The following MAD1L1 variants were observed in gnomAD, a reference collection of about 807,000 sequenced individuals.
MAD1L1 encodes the protein mitotic spindle assembly checkpoint protein MAD1.
Under a neutral mutation model 96.9 loss-of-function variants are expected in MAD1L1, and 95 were observed. That is an observed-to-expected ratio of 0.98 (90% confidence interval 0.83 to 1.16). The LOEUF is 1.16. Among genes scored for constraint, MAD1L1 ranks in the 50% most tolerant of loss-of-function variants. The probability of loss-of-function intolerance (pLI) is 0.00; values close to 1 mark genes in which losing one functional copy is unlikely to be tolerated. For missense variants in MAD1L1, 1,007 were observed against 954.4 expected, an observed-to-expected ratio of 1.06 and a Z score of -0.73; for synonymous variants, 473 against 396.6, an observed-to-expected ratio of 1.19 and a Z score of -2.29.
At chr7:2,181,609 T>C (rs1356694913) in intron 10 of MAD1L1, among the ~76,000 whole-genome samples, 2 of 152,118 alleles carry the variant, frequency 1.3e-5, no homozygotes, top group Non-Finnish European at 2.9e-5. Flanking sequence ...ACTAGTACAA[T>C]CACTACAGAA....
At chr7:1,985,221 C>T (rs1781083476) in intron 14 of MAD1L1, among the ~76,000 whole-genome samples, 1 of 152,226 alleles carries the variant, frequency 6.6e-6, no homozygotes, top group Non-Finnish European at 1.5e-5. Flanking sequence ...CTCCTCCAAC[C>T]CCTTGAGGCC....
At chr7:1,873,249 G>A (rs1180566438) in intron 18 of MAD1L1, among the ~76,000 whole-genome samples, 1 of 152,214 alleles carries the variant, frequency 6.6e-6, no homozygotes, top group African/African-American at 2.4e-5. Context: ...CCCGGCTGGG[G>A]AGTCCCCTCT....
intron 10 of MAD1L1, among the ~76,000 whole-genome samples, chr7:2,154,873 G>A (rs964832568): frequency 1.3e-5 from 2 of 152,288 alleles, no homozygotes; most frequent in South Asian, 2.1e-4. Flanking sequence ...AACTCTACAG[G>A]AAGCATTCCG....
rs971825121 is a variant in MAD1L1 at position 1,936,597 on chromosome 7, A to G, written c.1807+90T>C. On this transcript the variant is annotated intron_variant, in intron 17 of 18. Transcript: ENST00000265854. ...GACAAACCCTCTGGGGATGACAGGCAGGGGCGCCTGAGGCTGCCCCAAAGG... is the reference window on the plus strand; with the variant it reads ...GACAAACCCTCTGGGGATGACAGGCGGGGGCGCCTGAGGCTGCCCCAAAGG... 107 of 1,304,372 alleles carry G rather than the reference A, an allele frequency of 8.2e-5. No homozygotes were observed. In the Middle Eastern group the frequency reaches 1.3e-3, roughly 16 times the overall value. 80.8% of individuals were successfully genotyped at this position (1,304,372 alleles called of 1,614,324 possible). A position where few individuals can be genotyped will look rare whatever the true frequency, so the allele number is the denominator to read the frequency against.
chr7:2,056,926 G>C (rs771655034), intron 12 of MAD1L1, among the ~76,000 whole-genome samples: 1 of 152,184 alleles, frequency 6.6e-6, no homozygotes, highest in Non-Finnish European at 1.5e-5. Flanking sequence ...CCAAGTACCC[G>C]TGCAGCTATC....
intron 12 of MAD1L1, among the ~76,000 whole-genome samples, chr7:2,018,842 G>GGCCGAGGCCCACTCTGCAAGGGC (rs1367900930): frequency 6.9e-6 from 1 of 144,658 alleles, no homozygotes; most frequent in East Asian, 2.3e-4. Flanking sequence ...TCCAGCCCAA[G>GGCCGAGGCCCACTCTGCAAGGGC]GCCGAGGCCC....
chr7:2,137,350 G>C (rs1186754144), intron 11 of MAD1L1, among the ~76,000 whole-genome samples: 1 of 152,218 alleles, frequency 6.6e-6, no homozygotes. Flanking sequence ...GGACAGAACT[G>C]ACCCAAGCAC....
chr7:2,140,401 T>G (rs1301385726), intron 11 of MAD1L1, among the ~76,000 whole-genome samples: 2 of 151,846 alleles, frequency 1.3e-5, no homozygotes, highest in Non-Finnish European at 2.9e-5. Context: ...AATCGGAGAG[T>G]GCACCAGGGC....
At chr7:2,108,927 A>G (rs1214852505) in intron 11 of MAD1L1, among the ~76,000 whole-genome samples, 1 of 152,220 alleles carries the variant, frequency 6.6e-6, no homozygotes, top group Non-Finnish European at 1.5e-5. Context: ...GGGGAAGTGC[A>G]GGGCCCCCGC....
chr7:1,944,778 C>T (rs1779154171), intron 16 of MAD1L1, among the ~76,000 whole-genome samples: 1 of 152,210 alleles, frequency 6.6e-6, no homozygotes, highest in South Asian at 2.1e-4. Context: ...AGTGCAGTGA[C>T]CACAGTCTGC....
intron 10 of MAD1L1, among the ~76,000 whole-genome samples, chr7:2,202,533 C>T (rs1026310022): frequency 4.6e-5 from 7 of 152,228 alleles, no homozygotes; most frequent in East Asian, 1.9e-4. Flanking sequence ...AAAGGGGAAA[C>T]GTGGCCCAGA....
intron 18 of MAD1L1, among the ~76,000 whole-genome samples, chr7:1,891,436 G>C (rs1270745354): frequency 6.6e-6 from 1 of 152,144 alleles, no homozygotes; most frequent in Non-Finnish European, 1.5e-5. Flanking sequence ...TGAGGGAGGA[G>C]AATCGCTTGA....
chr7:2,220,124 C>G (rs1049675928), intron 5 of MAD1L1, among the ~76,000 whole-genome samples: 1 of 152,354 alleles, frequency 6.6e-6, no homozygotes, highest in African/African-American at 2.4e-5. Context: ...CACACCACAG[C>G]AAGGCACTGG....
At chr7:2,092,152 G>A (rs1786248600) in intron 11 of MAD1L1, among the ~76,000 whole-genome samples, 1 of 152,202 alleles carries the variant, frequency 6.6e-6, no homozygotes, top group Non-Finnish European at 1.5e-5. Flanking sequence ...AGCATTTAGT[G>A]CCGTCAGTGA....
chr7:2,214,778 A>G (rs1793172263), intron 9 of MAD1L1, among the ~76,000 whole-genome samples: 1 of 152,214 alleles, frequency 6.6e-6, no homozygotes, highest in Non-Finnish European at 1.5e-5. Context: ...GTTTTCCAGC[A>G]CTGACACCTT....
intron 10 of MAD1L1, chr7:2,175,505 A>G (rs964534473): frequency 1.4e-3 from 217 of 152,016 alleles, no homozygotes; most frequent in African/African-American, 4.9e-3. Flanking sequence ...AAAAAAAAAA[A>G]AAAAAAAAAA....
intron 11 of MAD1L1, among the ~76,000 whole-genome samples, chr7:2,107,257 G>A (rs1449384571): frequency 6.6e-6 from 1 of 152,154 alleles, no homozygotes; most frequent in African/African-American, 2.4e-5. Context: ...CGGAGCATCC[G>A]GTGGCAGGAA....
At chr7:2,002,852 C>G (rs970034769) in intron 13 of MAD1L1, among the ~76,000 whole-genome samples, 2 of 152,200 alleles carry the variant, frequency 1.3e-5, no homozygotes, top group Non-Finnish European at 1.5e-5. Context: ...GGCTCAGGAC[C>G]TCGGAGACCC....
intron 18 of MAD1L1, among the ~76,000 whole-genome samples, chr7:1,844,638 C>A (rs1342997916): frequency 6.6e-6 from 1 of 152,202 alleles, no homozygotes; most frequent in Non-Finnish European, 1.5e-5. Context: ...GTGACCATCC[C>A]CCCAAAGCTG....
Sources: allele counts gnomAD v4.1 joint callset (sites outside exome capture counted in the v4.1 genomes callset), GRCh38; gene constraint gnomAD v4.1.1; transcripts MANE v1.5; gene names NCBI Gene and HGNC (gene_info 2026-07-23, HGNC 2026-07-21).